The following MAPKAP1 variants were observed in gnomAD, a reference collection of about 807,000 sequenced individuals.
The protein encoded by MAPKAP1 is MAPK associated protein 1.
A neutral mutation model predicts 65.7 loss-of-function variants in MAPKAP1; 20 were observed. The observed-to-expected ratio is 0.30, with a 90% CI of 0.21 to 0.44. MAPKAP1 has a LOEUF of 0.44. MAPKAP1 is among the 20% of genes least tolerant of loss of function. MAPKAP1 has a pLI of 1.00. For missense variants in MAPKAP1, 423 were observed against 648.0 expected, an observed-to-expected ratio of 0.65 and a Z score of 3.77; for synonymous variants, 222 against 244.3, an observed-to-expected ratio of 0.91 and a Z score of 0.85.
chr9:125,569,199 C>T (rs1469070884), intron 5 of MAPKAP1, among the ~76,000 whole-genome samples: 1 of 152,176 alleles, frequency 6.6e-6, no homozygotes, highest in Non-Finnish European at 1.5e-5. Context: ...CTTTTAACCA[C>T]GTTTAATGCC....
intron 9 of MAPKAP1, among the ~76,000 whole-genome samples, chr9:125,468,326 T>C (rs925091737): frequency 1.3e-5 from 2 of 152,112 alleles, no homozygotes; most frequent in Admixed American, 6.5e-5. Context: ...GGTGGGTGAG[T>C]TGAGGGTGGG....
intron 4 of MAPKAP1, among the ~76,000 whole-genome samples, chr9:125,633,203 C>T (rs1310922960): frequency 1.3e-5 from 2 of 152,166 alleles, no homozygotes; most frequent in Non-Finnish European, 2.9e-5. Context: ...CAATGCACAG[C>T]GCCAACAGAG....
intron 8 of MAPKAP1, among the ~76,000 whole-genome samples, chr9:125,487,721 C>A (rs1203548169): frequency 1.3e-5 from 2 of 151,506 alleles, no homozygotes; most frequent in Non-Finnish European, 2.9e-5. Flanking sequence ...TTTTACTGAG[C>A]AATTTCAATG....
chr9:125,580,682 TAAA>T (rs200466671), intron 5 of MAPKAP1, among the ~76,000 whole-genome samples: 10 of 148,114 alleles, frequency 6.8e-5, no homozygotes, highest in Non-Finnish European at 1.0e-4. Context: ...CTTAAAAGTA[TAAA>T]AAAAAAAAAG....
rs1283338061 is a variant in MAPKAP1 at position 125,595,724 on chromosome 9, G to C, written c.499-9997C>G. 1.3e-6 allele frequency: 2 copies of C among 1,540,806 alleles called. No individual in the cohort carries two copies. The highest frequency in any genetic ancestry group is 2.3e-5 in the East Asian group (1 of 43,972). On this transcript the variant is annotated intron_variant, in intron 4 of 11. Coordinates refer to ENST00000265960, the MANE Select transcript of MAPKAP1 (RefSeq NM_001006617.3). This position sits in a 1 kb window ranked among gnomAD's most constrained non-coding sequence, Gnocchi z 4.0. ...ACAGCTAAGGAATCTCTTCATTGGA[G>C]GGTTGAGCTTTGAAACAACCAATGA...
chr9:125,605,862 G>A (rs935981251), intron 4 of MAPKAP1, among the ~76,000 whole-genome samples: 1 of 152,194 alleles, frequency 6.6e-6, no homozygotes, highest in Non-Finnish European at 1.5e-5. Flanking sequence ...GTTGATTTAG[G>A]AATAAGTAGG....
intron 1 of MAPKAP1, among the ~76,000 whole-genome samples, chr9:125,700,170 G>A (rs556383147): frequency 6.6e-6 from 1 of 152,242 alleles, no homozygotes; most frequent in South Asian, 2.1e-4. Context: ...TCAGTTCTTC[G>A]TTAGTCTCCT....
chr9:125,508,845 A>T (rs1035022659), intron 7 of MAPKAP1, among the ~76,000 whole-genome samples: 7 of 152,200 alleles, frequency 4.6e-5, no homozygotes, highest in Non-Finnish European at 7.3e-5. Context: ...AAAATTTTTA[A>T]AAATAATAGC....
At chr9:125,496,559 A>C (rs746307655) in intron 8 of MAPKAP1, among the ~76,000 whole-genome samples, 16 of 152,206 alleles carry the variant, frequency 1.1e-4, no homozygotes, top group Non-Finnish European at 5.9e-5. Flanking sequence ...TTGTAACTGA[A>C]GGAGGCAGAG....
chr9:125,672,234 C>G, intron 2 of MAPKAP1, 82 bp downstream of exon 2: 4 of 1,479,164 alleles, frequency 2.7e-6, no homozygotes, highest in Non-Finnish European at 3.7e-6. Flanking sequence ...CCCCATTAAG[C>G]CTATTCCAAT....
chr9:125,657,593 C>T (rs1834067800), intron 4 of MAPKAP1, 58 bp downstream of exon 4: 2 of 1,442,588 alleles, frequency 1.4e-6, no homozygotes, highest in African/African-American at 2.9e-5. Context: ...ATAATACCAA[C>T]AACAACTCCA....
chr9:125,606,072 G>A (rs1832430934), intron 4 of MAPKAP1, among the ~76,000 whole-genome samples: 1 of 151,984 alleles, frequency 6.6e-6, no homozygotes, highest in African/African-American at 2.4e-5. Flanking sequence ...TCCTCTGAAA[G>A]CAAATTAAAC....
At chr9:125,569,837 G>A (rs933673380) in intron 5 of MAPKAP1, among the ~76,000 whole-genome samples, 1 of 152,156 alleles carries the variant, frequency 6.6e-6, no homozygotes, top group Non-Finnish European at 1.5e-5. Context: ...ATATAAAAGA[G>A]CTCTAATTGG....
At chr9:125,580,273 C>T (rs1831577215) in intron 5 of MAPKAP1, among the ~76,000 whole-genome samples, 1 of 152,152 alleles carries the variant, frequency 6.6e-6, no homozygotes, top group African/African-American at 2.4e-5. Flanking sequence ...ATAGCAAAGA[C>T]TTGGAATCAA....
chr9:125,454,018 T>C (rs1257132550), intron 10 of MAPKAP1, among the ~76,000 whole-genome samples: 1 of 152,228 alleles, frequency 6.6e-6, no homozygotes, highest in Admixed American at 6.5e-5. Context: ...TAACCATAGT[T>C]TGTCAGTTGT....
intron 5 of MAPKAP1, among the ~76,000 whole-genome samples, chr9:125,560,776 G>C (rs575050325): frequency 6.6e-6 from 1 of 152,294 alleles, no homozygotes; most frequent in East Asian, 1.9e-4. Flanking sequence ...TCCTGACACA[G>C]ATACCTGGTC....
At chr9:125,657,054 A>G (rs1296835475) in intron 4 of MAPKAP1, among the ~76,000 whole-genome samples, 1 of 152,198 alleles carries the variant, frequency 6.6e-6, no homozygotes, top group Non-Finnish European at 1.5e-5. Context: ...TAGAATTCTG[A>G]AATAAAGCTC....
chr9:125,603,814 A>T (rs1394538825), intron 4 of MAPKAP1, among the ~76,000 whole-genome samples: 1 of 151,982 alleles, frequency 6.6e-6, no homozygotes, highest in Non-Finnish European at 1.5e-5. Flanking sequence ...GCCCTTCACC[A>T]GCTCTTCTGC....
At chr9:125,515,555 T>C (rs1241381570) in intron 7 of MAPKAP1, among the ~76,000 whole-genome samples, 1 of 152,224 alleles carries the variant, frequency 6.6e-6, no homozygotes, top group Non-Finnish European at 1.5e-5. Context: ...ACAGCACTCT[T>C]ATCAGAGAGC....
Sources: gnomAD v4.1 joint callset for allele counts (sites outside exome capture counted in the v4.1 genomes callset) on GRCh38, gnomAD v4.1.1 for gene constraint, Gnocchi (gnomAD v3.1) non-coding constraint, MANE v1.5 for transcripts, NCBI Gene and HGNC (gene_info 2026-07-23, HGNC 2026-07-21) for gene names.